FBXO31: variants seen among roughly 807,000 people sequenced by gnomAD.
FBXO31 encodes F-box protein 31, also known as F-box only protein 31.
Under a neutral mutation model 54.4 loss-of-function variants are expected in FBXO31, and 24 were observed. That is an observed-to-expected ratio of 0.44 (90% confidence interval 0.32 to 0.62). The LOEUF is 0.62. Ranked by LOEUF, FBXO31 falls within the 20% of genes least tolerant of loss-of-function variation. FBXO31 has a pLI of 0.05. For missense variants in FBXO31, 665 were observed against 787.1 expected (o/e 0.84, Z 1.86); for synonymous variants, 388 against 335.6 (o/e 1.16, Z -1.71).
intron 1 of FBXO31, among the ~76,000 whole-genome samples, chr16:87,389,186 G>T (rs1248879628): frequency 6.6e-6 from 1 of 151,846 alleles, no homozygotes; most frequent in Non-Finnish European, 1.5e-5. Context: ...AACTAAATGT[G>T]TTATTCTTAC....
At chr16:87,331,585 G>A (rs769525442) in intron 8 of FBXO31, 75 bp from the exon 9 acceptor site, 5 of 1,249,550 alleles carry the variant, frequency 4.0e-6, no homozygotes, top group Non-Finnish European at 5.5e-6. Context: ...AGCATTCTGC[G>A]ACCCCGCTCT....
At position 87,335,972 on chromosome 16, in the gene FBXO31, C is replaced by A. The variant is rs10514621; in HGVS notation, c.842+183G>T. 0.44 allele frequency among the ~76,000 whole-genome samples: 66,489 copies of A among 151,668 alleles called. 15,703 individuals are homozygous for A. The highest frequency in any genetic ancestry group is 0.57 in the African/African-American group (23,689 of 41,290). On this transcript the variant is annotated intron_variant, in intron 6 of 8. Coordinates refer to ENST00000311635, the MANE Select transcript of FBXO31 (RefSeq NM_024735.5). The surrounding 1 kb of genome is among the most constrained non-coding windows in gnomAD (Gnocchi z 5.7). ...GTGTTCCAAGTACCCACAGAAAGAG[C>A]GAACTATGCTCCAAGCACCCAGAGA...
intron 2 of FBXO31, among the ~76,000 whole-genome samples, chr16:87,349,582 G>A (rs1372129734): frequency 1.3e-5 from 2 of 152,164 alleles, no homozygotes; most frequent in Non-Finnish European, 2.9e-5. Context: ...ATAGTGGCAA[G>A]TGCCTGTAAT....
At chr16:87,369,008 C>T (rs371475065) in intron 1 of FBXO31, among the ~76,000 whole-genome samples, 3 of 151,960 alleles carry the variant, frequency 2.0e-5, no homozygotes, top group African/African-American at 4.8e-5. Flanking sequence ...CGCCATGTCT[C>T]GAACTCCTGA....
Position 87,346,881 on chromosome 16 carries a change from A to G in FBXO31, c.489+293T>C, listed in dbSNP as rs536945378. ...AGGGCGGGCTCCAGACCCCGCCAACATGTGCGCGATGGGCCTCAGCGTCCA... is the reference window on the plus strand; with the variant it reads ...AGGGCGGGCTCCAGACCCCGCCAACGTGTGCGCGATGGGCCTCAGCGTCCA... On this transcript the variant is annotated intron_variant, in intron 3 of 8. Coordinates refer to ENST00000311635, the MANE Select transcript of FBXO31 (RefSeq NM_024735.5). The surrounding 1 kb of genome is among the most constrained non-coding windows in gnomAD (Gnocchi z 4.2). 6.6e-5 allele frequency among the ~76,000 whole-genome samples: 10 copies of G among 152,346 alleles called. No individual in the cohort carries two copies. The highest frequency in any genetic ancestry group is 1.0e-4 in the Non-Finnish European group (7 of 68,034).
chr16:87,379,118 C>G (rs184965034), intron 1 of FBXO31, among the ~76,000 whole-genome samples: 15 of 151,906 alleles, frequency 9.9e-5, no homozygotes, highest in African/African-American at 3.6e-4. Context: ...CATCACATAC[C>G]CTTTTGTTTT....
At chr16:87,371,352 C>G (rs978201255) in intron 1 of FBXO31, among the ~76,000 whole-genome samples, 19 of 152,224 alleles carry the variant, frequency 1.2e-4, no homozygotes, top group African/African-American at 4.3e-4. Flanking sequence ...CCAAGGGAGT[C>G]CCCTCTCGCT....
At chr16:87,354,738 T>A (rs1597369321) in intron 2 of FBXO31, among the ~76,000 whole-genome samples, 1 of 149,912 alleles carries the variant, frequency 6.7e-6, no homozygotes, top group Non-Finnish European at 1.5e-5. Context: ...GTGGCCGAGG[T>A]AGATGGATCA....
At position 87,383,747 on chromosome 16, in the gene FBXO31, C is replaced by A. The variant is rs1355753110; in HGVS notation, c.-3G>T. 15 of 1,204,430 alleles carry A rather than the reference C, an allele frequency of 1.2e-5. No individual in the cohort carries two copies. Among genetic ancestry groups the A allele is most frequent in the African/African-American group, 1.6e-5 (1 of 62,648 alleles). The allele number at this position is 1,204,430 out of a possible 1,614,324, so 74.6% of individuals were successfully genotyped here. A position where few individuals can be genotyped will look rare whatever the true frequency, so the allele number is the denominator to read the frequency against. ...CAAAGGCGAGCACACACCGCCATGC[C>A]GCCCAGTGACGGCCACTGCTGCCGC... On this transcript the variant is annotated 5_prime_UTR_variant, in exon 1 of 9. Coordinates refer to ENST00000311635, the MANE Select transcript of FBXO31 (RefSeq NM_024735.5). This position sits in a 1 kb window ranked among gnomAD's most constrained non-coding sequence, Gnocchi z 4.9.
chr16:87,383,897 A>AC (rs898865962), upstream of FBXO31: 1 of 477,258 alleles, frequency 2.1e-6, no homozygotes, highest in Non-Finnish European at 2.9e-6. This position sits in a 1 kb window ranked among gnomAD's most constrained non-coding sequence, Gnocchi z 4.9. Flanking sequence ...CGGCCGCGCC[A>AC]CCCCCTCCCC....
chr16:87,350,313 C>T (rs1302788607), intron 2 of FBXO31, among the ~76,000 whole-genome samples: 1 of 152,130 alleles, frequency 6.6e-6, no homozygotes, highest in Non-Finnish European at 1.5e-5. Context: ...CTAGACTCCA[C>T]CAACAGCTCC....
intron 1 of FBXO31, among the ~76,000 whole-genome samples, chr16:87,382,980 G>C (rs1180526288): frequency 1.3e-5 from 2 of 152,124 alleles, no homozygotes; most frequent in African/African-American, 2.4e-5. Flanking sequence ...AGGGCCAGCG[G>C]GGCACCCTCG....
intron 5 of FBXO31, among the ~76,000 whole-genome samples, chr16:87,339,013 G>A (rs925407137): frequency 4.6e-5 from 7 of 152,062 alleles, no homozygotes; most frequent in East Asian, 3.9e-4. Flanking sequence ...TTTGCCTGCC[G>A]CCATGTAAGA....
At chr16:87,383,797 C>G, upstream of FBXO31, 1 of 1,143,816 alleles carries the variant, frequency 8.7e-7, no homozygotes, top group Non-Finnish European at 1.1e-6. This position sits in a 1 kb window ranked among gnomAD's most constrained non-coding sequence, Gnocchi z 4.9. Flanking sequence ...CAGCGCGGCC[C>G]CGCCCCGCCA....
chr16:87,364,573 G>A (rs549972262), intron 1 of FBXO31, among the ~76,000 whole-genome samples: 5 of 152,236 alleles, frequency 3.3e-5, no homozygotes, highest in African/African-American at 4.8e-5. Flanking sequence ...AGGCCTGGGC[G>A]GGGGCATCCA....
intron 1 of FBXO31, among the ~76,000 whole-genome samples, chr16:87,361,404 G>A (rs892766783): frequency 1.3e-5 from 2 of 152,328 alleles, no homozygotes; most frequent in East Asian, 1.9e-4. Flanking sequence ...CACAGGAGAC[G>A]GGACGAGGTG....
Position 87,345,319 on chromosome 16 carries a change from G to T in FBXO31, c.490-1554C>A, listed in dbSNP as rs546192733. On this transcript the variant is annotated intron_variant, in intron 3 of 8. Transcript: ENST00000311635. The surrounding 1 kb of genome is among the most constrained non-coding windows in gnomAD (Gnocchi z 4.9). ...GTTCAAGAGGCTCCAGCAGGAGGGT[G>T]CGGGGAGGGCGGGAGGCAGGGTGGG... is the stretch of plus-strand genomic sequence containing the variant. Among the ~76,000 whole-genome samples the T allele has an allele frequency of 9.9e-5, 15 of 151,158 alleles. No individual in the cohort carries two copies. Among genetic ancestry groups the T allele is most frequent in the African/African-American group, 3.2e-4 (13 of 41,162 alleles).
intron 5 of FBXO31, among the ~76,000 whole-genome samples, chr16:87,337,914 T>C (rs978952300): frequency 6.6e-6 from 1 of 151,606 alleles, no homozygotes; most frequent in Non-Finnish European, 1.5e-5. Context: ...AAAATAACCA[T>C]AAAAGAAAAC....
At chr16:87,361,116 C>T (rs1484322907) in intron 1 of FBXO31, among the ~76,000 whole-genome samples, 2 of 152,256 alleles carry the variant, frequency 1.3e-5, no homozygotes, top group African/African-American at 4.8e-5. Flanking sequence ...CACACAACTA[C>T]AGAACTGCAC....
Sources: allele counts gnomAD v4.1 joint callset (sites outside exome capture counted in the v4.1 genomes callset), GRCh38; gene constraint gnomAD v4.1.1; non-coding constraint Gnocchi (gnomAD v3.1); transcripts MANE v1.5; gene names NCBI Gene and HGNC (gene_info 2026-07-23, HGNC 2026-07-21).